Variants in GABRB2 observed in about 807,000 individuals in gnomAD.
GABRB2 encodes gamma-aminobutyric acid type A receptor subunit beta2.
A neutral mutation model predicts 54.7 loss-of-function variants in GABRB2; 16 were observed. The observed-to-expected ratio is 0.29, with a 90% CI of 0.20 to 0.44. GABRB2 has a LOEUF of 0.44. Among genes scored for constraint, GABRB2 ranks in the 20% least tolerant of loss-of-function variants. The pLI is 1.00. For synonymous variants in GABRB2, 244 were observed against 233.8 expected (o/e 1.04, Z -0.40); for missense variants, 355 against 644.0 (o/e 0.55, Z 4.86).
At chr5:161,358,533 T>TA (rs1169995414) in intron 5 of GABRB2, among the ~76,000 whole-genome samples, 2 of 151,980 alleles carry the variant, frequency 1.3e-5, no homozygotes, top group Admixed American at 6.6e-5. Flanking sequence ...AGTAGAGAAG[T>TA]AAAAAAACGA....
chr5:161,462,726 C>T (rs549627544), intron 3 of GABRB2, among the ~76,000 whole-genome samples: 2 of 152,260 alleles, frequency 1.3e-5, no homozygotes, highest in African/African-American at 4.8e-5. Flanking sequence ...TGCTCCCAGA[C>T]AGGCCCTGGT....
chr5:161,315,345 G>A (rs565848124), intron 9 of GABRB2, among the ~76,000 whole-genome samples: 2 of 152,234 alleles, frequency 1.3e-5, no homozygotes, highest in South Asian at 2.1e-4. Flanking sequence ...AATCAGGTGC[G>A]ATTTAGAGAG....
intron 4 of GABRB2, among the ~76,000 whole-genome samples, chr5:161,457,927 G>A (rs1361546984): frequency 6.6e-6 from 1 of 152,096 alleles, no homozygotes; most frequent in Admixed American, 6.5e-5. Context: ...AGGTATTCTG[G>A]AGAAACAGGA....
chr5:161,484,009 A>G (rs1251092247), intron 3 of GABRB2, among the ~76,000 whole-genome samples: 1 of 151,884 alleles, frequency 6.6e-6, no homozygotes, highest in Non-Finnish European at 1.5e-5. Flanking sequence ...TATCTTTACC[A>G]ATCTAACTGT....
chr5:161,360,588 A>G lies in GABRB2; in HGVS notation c.542-23819T>C, dbSNP rs115466853. On this transcript the variant is annotated intron_variant, in intron 5 of 9. Coordinates refer to ENST00000393959, the MANE Select transcript of GABRB2 (RefSeq NM_001371727.1). Reference sequence around the variant, plus strand: ...ATAAAGCCTTGTCCATTCTCAGGGTAATAAAATCTTTGAAATAAGGGAAAT... The same window carrying G: ...ATAAAGCCTTGTCCATTCTCAGGGTGATAAAATCTTTGAAATAAGGGAAAT... Among the ~76,000 whole-genome samples the G allele has an allele frequency of 2.9e-3, 441 of 152,282 alleles. 5 individuals are homozygous for G. The highest frequency in any genetic ancestry group is 0.01 in the African/African-American group (429 of 41,566).
rs1282192734 is a variant in GABRB2 at position 161,422,909 on chromosome 5, T to C, written c.459-11852A>G. Among the ~76,000 whole-genome samples the C allele has an allele frequency of 3.9e-5, 6 of 152,304 alleles. No individual in the cohort carries two copies. In the East Asian group the frequency reaches 9.6e-4, roughly 24 times the overall value. On this transcript the variant is annotated intron_variant, in intron 4 of 9. Transcript: ENST00000393959. ...CAGGTTTTCAAAGTAGAAAAGATGA[T>C]AAAATGATGTCTATACAAATATCTT...
At chr5:161,478,113 A>C (rs1490116712) in intron 3 of GABRB2, among the ~76,000 whole-genome samples, 2 of 151,960 alleles carry the variant, frequency 1.3e-5, no homozygotes, top group Admixed American at 1.3e-4. Context: ...TCTCCTTTTG[A>C]ACAATTACAC....
At position 161,459,489 on chromosome 5, in the gene GABRB2, T is replaced by A. The variant is rs1382585819; in HGVS notation, c.458+135A>T. ...ATGCTACCTTAAGCTCTCAAATGTC[T>A]AGTGGATAGGAGGCTTAACTGTTTC... On this transcript the variant is annotated intron_variant, in intron 4 of 9. Transcript: ENST00000393959. 1.5e-5 allele frequency: 11 copies of A among 732,620 alleles called. No individual in the cohort carries two copies. In the Admixed American group the frequency reaches 1.8e-4, roughly 12 times the overall value. 45.4% of individuals were successfully genotyped at this position (732,620 alleles called of 1,614,324 possible). A position where few individuals can be genotyped will look rare whatever the true frequency, so the allele number is the denominator to read the frequency against.
intron 5 of GABRB2, among the ~76,000 whole-genome samples, chr5:161,344,825 G>T (rs1580901634): frequency 6.6e-6 from 1 of 152,202 alleles, no homozygotes; most frequent in East Asian, 1.9e-4. Context: ...ACTGGAAAAA[G>T]AAAATGTGGC....
intron 3 of GABRB2, among the ~76,000 whole-genome samples, chr5:161,499,562 G>A (rs1380079468): frequency 6.6e-6 from 1 of 152,136 alleles, no homozygotes; most frequent in Non-Finnish European, 1.5e-5. Context: ...AGAACCTCTG[G>A]ATATCACCAA....
chr5:161,472,241 C>T (rs1353842399), intron 3 of GABRB2, among the ~76,000 whole-genome samples: 1 of 151,740 alleles, frequency 6.6e-6, no homozygotes, highest in Middle Eastern at 3.2e-3. Flanking sequence ...ATCACTCAGT[C>T]AATAATTTTC....
chr5:161,543,363 T>C (rs1435551078), intron 3 of GABRB2, among the ~76,000 whole-genome samples: 1 of 152,228 alleles, frequency 6.6e-6, no homozygotes, highest in East Asian at 1.9e-4. Flanking sequence ...TCTACCACTC[T>C]AAACAATGTT....
At chr5:161,490,366 G>A (rs1759062426) in intron 3 of GABRB2, among the ~76,000 whole-genome samples, 1 of 151,666 alleles carries the variant, frequency 6.6e-6, no homozygotes. Flanking sequence ...CCTGGTCAGA[G>A]CCTTGTGAAC....
rs115178122 is a variant in GABRB2 at position 161,336,589 on chromosome 5, C to T, written c.679+43G>A. ...ATAAGTGAACATGTTTAACAAAATA[C>T]GGTGAAGATTATTTTCCCTTAACAC... On this transcript the variant is annotated intron_variant, in intron 6 of 9. Transcript: ENST00000393959. 5.4e-4 allele frequency: 856 copies of T among 1,598,316 alleles called. 2 individuals carry two copies. In the African/African-American group the frequency reaches 0.01, roughly 19 times the overall value.
intron 3 of GABRB2, among the ~76,000 whole-genome samples, chr5:161,517,370 T>C (rs1203894877): frequency 6.6e-6 from 1 of 152,226 alleles, no homozygotes; most frequent in East Asian, 1.9e-4. Context: ...CAAAGGATGA[T>C]ATCCTTATTT....
intron 4 of GABRB2, among the ~76,000 whole-genome samples, chr5:161,442,867 C>A (rs1339491375): frequency 6.6e-6 from 1 of 151,990 alleles, no homozygotes; most frequent in African/African-American, 2.4e-5. Flanking sequence ...TCTAGTGTCC[C>A]CAAATCTCTC....
intron 3 of GABRB2, among the ~76,000 whole-genome samples, chr5:161,480,142 A>G (rs1758718171): frequency 6.6e-6 from 1 of 151,890 alleles, no homozygotes; most frequent in Admixed American, 6.6e-5. Flanking sequence ...CTTCCTCTCC[A>G]TGAACCTGAA....
At chr5:161,323,772 A>G (rs1431024652) in intron 9 of GABRB2, among the ~76,000 whole-genome samples, 1 of 152,102 alleles carries the variant, frequency 6.6e-6, no homozygotes. Flanking sequence ...AGTGCAAGGT[A>G]ATTGTGTGCG....
At chr5:161,480,326 A>G (rs887671630) in intron 3 of GABRB2, among the ~76,000 whole-genome samples, 6 of 152,038 alleles carry the variant, frequency 3.9e-5, no homozygotes, top group Non-Finnish European at 8.8e-5. Context: ...GGTAATATAT[A>G]TGTAGATAAT....
Sources: gnomAD v4.1 joint callset for allele counts (sites outside exome capture counted in the v4.1 genomes callset) on GRCh38, gnomAD v4.1.1 for gene constraint, MANE v1.5 for transcripts, NCBI Gene and HGNC (gene_info 2026-07-23, HGNC 2026-07-21) for gene names.